TCHP: variants seen among roughly 807,000 people sequenced by gnomAD.
The protein encoded by TCHP is trichoplein keratin filament binding.
A neutral mutation model predicts 88.7 loss-of-function variants in TCHP; 81 were observed. That is an observed-to-expected ratio of 0.91 (90% confidence interval 0.76 to 1.10). TCHP has a LOEUF of 1.10. Ranked by LOEUF, TCHP falls within the 50% of genes least tolerant of loss-of-function variation. The probability of loss-of-function intolerance (pLI) is 0.00; values close to 1 mark genes in which losing one functional copy is unlikely to be tolerated. For synonymous variants in TCHP, 232 were observed against 232.5 expected, an observed-to-expected ratio of 1.00 and a Z score of 0.02; for missense variants, 641 against 632.1, an observed-to-expected ratio of 1.01 and a Z score of -0.15.
At chr12:109,889,087 C>T in the TCHP span, among the ~76,000 whole-genome samples, 14 of 150,100 alleles carry the variant, frequency 9.3e-5, no homozygotes, top group Non-Finnish European at 1.9e-4. Flanking sequence ...CCAGGACTTT[C>T]GGAGGATGAG....
In TCHP at chr12:109,913,037, C is replaced by G. The variant is rs752603703; in HGVS notation, c.1099C>G (p.Arg367Gly). 8.1e-6 allele frequency: 13 copies of G among 1,613,780 alleles called. No individual in the cohort carries two copies. The highest frequency in any genetic ancestry group is 1.1e-5 in the Non-Finnish European group (13 of 1,180,014). Residue 367 changes from arginine (R) to glycine (G), a missense_variant, in exon 10 of 13, where the codon CGA becomes GGA. Coordinates refer to ENST00000405876, the MANE Select transcript of TCHP (RefSeq NM_001143852.2). ...MWEKREAEWA[R>G]ERSARDRLMS... Reference sequence around the variant, plus strand: ...GGAAAAGAGAGAGGCAGAGTGGGCCCGAGAGCGCAGCGCACGGGACAGACT... The same window carrying G: ...GGAAAAGAGAGAGGCAGAGTGGGCCGGAGAGCGCAGCGCACGGGACAGACT...
In TCHP at chr12:109,905,787, C is replaced by T. The variant is rs1870091914; in HGVS notation, c.457-785C>T. ...GCCCTGTTGGCTTCGGTGGAATCAT[C>T]CAGAGCCGTTAAATCAGAAAAGTTT... On this transcript the variant is annotated intron_variant, in intron 4 of 12. Coordinates refer to ENST00000405876, the MANE Select transcript of TCHP (RefSeq NM_001143852.2). The surrounding 1 kb of genome is among the most constrained non-coding windows in gnomAD (Gnocchi z 4.0). 6.6e-6 allele frequency among the ~76,000 whole-genome samples: 1 copy of T among 152,218 alleles called. No homozygotes were observed. The highest frequency in any genetic ancestry group is 1.5e-5 in the Non-Finnish European group (1 of 68,044).
chr12:109,915,653 CGTCCG>C, intron 12 of TCHP, 107 bp downstream of exon 12: 1 of 1,298,334 alleles, frequency 7.7e-7, no homozygotes, highest in Non-Finnish European at 1.0e-6. Context: ...GCTCTCCGGC[CGTCCG>C]GGTTATTCCT....
the TCHP span, among the ~76,000 whole-genome samples, chr12:109,893,102 G>A: frequency 1.3e-5 from 2 of 152,282 alleles, no homozygotes; most frequent in East Asian, 1.9e-4. Context: ...ACATCAGGCC[G>A]GGCGCAGTGG....
the TCHP span, among the ~76,000 whole-genome samples, chr12:109,885,672 AG>A: frequency 1.3e-5 from 2 of 151,848 alleles, no homozygotes; most frequent in African/African-American, 4.8e-5. Context: ...TAGTAGAGAC[AG>A]GGTTTCACCG....
rs1157299816 is a variant in TCHP, at chr12:109,913,062, T to G, written c.1124T>G (p.Leu375Arg). 2 of 1,613,828 alleles carry G rather than the reference T, an allele frequency of 1.2e-6. No individual in the cohort carries two copies. The highest frequency in any genetic ancestry group is 2.2e-5 in the South Asian group (2 of 91,076). Reference sequence around the variant, plus strand: ...CGAGAGCGCAGCGCACGGGACAGACTGATGAGCGAGGTAATCCCAGCTGCG... The same window carrying G: ...CGAGAGCGCAGCGCACGGGACAGACGGATGAGCGAGGTAATCCCAGCTGCG... Reference protein sequence around the residue: ...WARERSARDRLMSEVLTGRQQ... With the variant: ...WARERSARDRRMSEVLTGRQQ... The change falls in exon 10 of 13, where the codon CTG becomes CGG. Residue 375 changes from leucine (L) to arginine (R), a missense_variant. Transcript: ENST00000405876.
chr12:109,881,260 T>A, the TCHP span, among the ~76,000 whole-genome samples: 1 of 152,230 alleles, frequency 6.6e-6, no homozygotes. Flanking sequence ...CCCTTTACAC[T>A]TTGTAACTTC....
Position 109,915,436 on chromosome 12 carries a change from G to C in TCHP, c.1354G>C (p.Asp452His). Residue 452 changes from aspartate to histidine, a missense_variant, in exon 12 of 13, where the codon GAC (aspartate) becomes CAC (histidine). Asp to His is a moderately conservative substitution (Grantham distance 81). Coordinates refer to ENST00000405876, the MANE Select transcript of TCHP (RefSeq NM_001143852.2). ...GCGCCGGCTGCAGGCATGGGAAGCA[G>C]ACCAGCAGGAGGAGGAGGAAGAGGA... ...AERRLQAWEA[D>H]QQEEEEEEEA... 1 of 1,614,200 alleles carries C rather than the reference G, an allele frequency of 6.2e-7. No homozygotes were observed. The highest frequency in any genetic ancestry group is 1.1e-5 in the South Asian group (1 of 91,078).
chr12:109,885,296 C>A, the TCHP span, among the ~76,000 whole-genome samples: 2 of 151,856 alleles, frequency 1.3e-5, no homozygotes, highest in Non-Finnish European at 2.9e-5. Flanking sequence ...GTAGAATATC[C>A]CTCATTTTGG....
At chr12:109,909,548 G>T (rs1269680026) in intron 8 of TCHP, among the ~76,000 whole-genome samples, 2 of 152,312 alleles carry the variant, frequency 1.3e-5, no homozygotes, top group African/African-American at 4.8e-5. Context: ...GGCCAGGTGC[G>T]GTGGCTCCCG....
At chr12:109,914,058 G>C (rs1361107006) in intron 10 of TCHP, 1 of 159,654 alleles carries the variant, frequency 6.3e-6, no homozygotes, top group African/African-American at 2.4e-5. Flanking sequence ...CTGGTCATCT[G>C]TGTGGCTTGT....
intron 11 of TCHP, chr12:109,914,865 GCTT>G (rs1321303130): frequency 2.1e-6 from 1 of 479,792 alleles, no homozygotes; most frequent in East Asian, 3.9e-5. Context: ...TACTCTGTCT[GCTT>G]CTGCAAGCAG....
intron 4 of TCHP, 54 bp from the exon 5 acceptor site, chr12:109,906,518 A>G: frequency 1.3e-6 from 2 of 1,569,814 alleles, no homozygotes; most frequent in Non-Finnish European, 1.8e-6. Flanking sequence ...CACTGTCCCC[A>G]CAGTGCCCAT....
chr12:109,911,415 C>T (rs1435520294), intron 9 of TCHP, among the ~76,000 whole-genome samples, 180 bp downstream of exon 9: 1 of 152,042 alleles, frequency 6.6e-6, no homozygotes, highest in Non-Finnish European at 1.5e-5. Flanking sequence ...AATTTGAGAT[C>T]AGCCTGGGCA....
At position 109,903,941 on chromosome 12, in the gene TCHP, C is replaced by T. The variant is rs762610842; in HGVS notation, c.193C>T (p.His65Tyr). The T allele has an allele frequency of 7.5e-6, 12 of 1,604,912 alleles. No homozygotes were observed. The highest frequency in any genetic ancestry group is 6.8e-5 in the Admixed American group (4 of 58,870). ...SSKTSYQRSM[H>Y]AYQREKMKEE... ...GGCAGGCCCCCTCTCACCCAGCATGCATGCCTATCAGCGGGAGAAGATGAA... is the reference window on the plus strand; with the variant it reads ...GGCAGGCCCCCTCTCACCCAGCATGTATGCCTATCAGCGGGAGAAGATGAA... Residue 65 changes from histidine (H) to tyrosine (Y), a missense_variant, in exon 3 of 13, where the codon CAT becomes TAT. By Grantham distance (83) the His-to-Tyr change is moderately conservative (BLOSUM62 2). Transcript: ENST00000405876. This position sits in a 1 kb window ranked among gnomAD's most constrained non-coding sequence, Gnocchi z 4.6.
At chr12:109,887,580 C>T in the TCHP span, among the ~76,000 whole-genome samples, 1 of 152,034 alleles carries the variant, frequency 6.6e-6, no homozygotes, top group African/African-American at 2.4e-5. Flanking sequence ...TGATCAATCC[C>T]CCATAGGTTA....
At chr12:109,896,290 A>G (rs1484275728), upstream of TCHP, among the ~76,000 whole-genome samples, 1 of 152,238 alleles carries the variant, frequency 6.6e-6, no homozygotes, top group African/African-American at 2.4e-5. Flanking sequence ...ACAAGCTCCC[A>G]GAAAAACACA....
At chr12:109,910,603 C>T (rs1870428778) in intron 8 of TCHP, among the ~76,000 whole-genome samples, 2 of 152,188 alleles carry the variant, frequency 1.3e-5, no homozygotes, top group Admixed American at 1.3e-4. Flanking sequence ...CAGCCTCCTG[C>T]ATTATTTTAA....
intron 11 of TCHP, 111 bp from the exon 12 acceptor site, chr12:109,915,292 C>T: frequency 6.7e-7 from 1 of 1,483,796 alleles, no homozygotes; most frequent in East Asian, 2.3e-5. Context: ...TGCTGTTGCT[C>T]AGCTGGATTC....
Sources: allele counts gnomAD v4.1 joint callset (sites outside exome capture counted in the v4.1 genomes callset), GRCh38; gene constraint gnomAD v4.1.1; non-coding constraint Gnocchi (gnomAD v3.1); transcripts MANE v1.5; gene names NCBI Gene and HGNC (gene_info 2026-07-23, HGNC 2026-07-21).